PRKCQ: variants seen among roughly 807,000 people sequenced by gnomAD.
The protein encoded by PRKCQ is protein kinase C theta type.
In PRKCQ, 41 loss-of-function variants were observed where a neutral mutation model predicts 91.2. The observed-to-expected ratio is 0.45, with a 90% confidence interval of 0.35 to 0.58. The LOEUF (loss-of-function observed/expected upper bound fraction) is 0.58, where lower values mean the gene tolerates loss of function less well. Among genes scored for constraint, PRKCQ ranks in the 20% least tolerant of loss-of-function variants. The pLI is 0.00. For synonymous variants in PRKCQ, 307 were observed against 316.9 expected (o/e 0.97, Z 0.33); for missense variants, 673 against 896.5 (o/e 0.75, Z 3.18).
At chr10:6,395,695 G>T in the PRKCQ span, among the ~76,000 whole-genome samples, 1 of 152,174 alleles carries the variant, frequency 6.6e-6, no homozygotes, top group Non-Finnish European at 1.5e-5. Flanking sequence ...TATAAACTAA[G>T]TCCCTCCCAA....
chr10:6,479,899 C>A (rs561422491), intron 11 of PRKCQ, among the ~76,000 whole-genome samples: 1 of 151,346 alleles, frequency 6.6e-6, no homozygotes, highest in South Asian at 2.1e-4. Context: ...TTGTGGTGAA[C>A]TGAGATCATG....
chr10:6,503,370 G>T (rs1272674470), intron 4 of PRKCQ, among the ~76,000 whole-genome samples: 1 of 152,140 alleles, frequency 6.6e-6, no homozygotes, highest in Non-Finnish European at 1.5e-5. Context: ...AGCACAGGAA[G>T]GTGTGAAATA....
At chr10:6,537,645 T>A (rs969715344) in intron 1 of PRKCQ, among the ~76,000 whole-genome samples, 2 of 152,244 alleles carry the variant, frequency 1.3e-5, no homozygotes, top group African/African-American at 4.8e-5. Context: ...GAGTTGGTTA[T>A]GGTGAGATCT....
intron 4 of PRKCQ, among the ~76,000 whole-genome samples, chr10:6,498,862 G>C (rs1837760884): frequency 6.6e-6 from 1 of 152,174 alleles, no homozygotes; most frequent in African/African-American, 2.4e-5. Flanking sequence ...TTCAAAACCA[G>C]AGATTAGAAC....
chr10:6,487,139 C>A (rs1430589037), intron 8 of PRKCQ, among the ~76,000 whole-genome samples: 1 of 152,076 alleles, frequency 6.6e-6, no homozygotes, highest in African/African-American at 2.4e-5. Flanking sequence ...CTCCTGAAAA[C>A]CTCGTGTGAT....
rs1026330762 is a variant in PRKCQ at position 6,521,201 on chromosome 10, C to T, written c.-9-6057G>A. On this transcript the variant is annotated intron_variant, in intron 1 of 17. Transcript: ENST00000263125. ...CTTCATCATCTATGTGCCTCCAGAG[C>T]TGATCCCCCTGTCTGATATATGCTA... Among the ~76,000 whole-genome samples, 9 of 152,282 alleles carry T rather than the reference C, an allele frequency of 5.9e-5. 2 individuals are homozygous for T. Among genetic ancestry groups the T allele is most frequent in the Admixed American group, 6.5e-5 (1 of 15,298 alleles).
chr10:6,564,324 A>G (rs4748152), intron 1 of PRKCQ, among the ~76,000 whole-genome samples: 16,278 of 152,154 alleles, frequency 0.11, 949 homozygotes, highest in Middle Eastern at 0.2. Context: ...ATATTATGGT[A>G]TAAATGGCTG....
chr10:6,486,136 T>A lies in PRKCQ; in HGVS notation c.799A>T (p.Met267Leu). 1.2e-6 allele frequency: 2 copies of A among 1,613,982 alleles called. No homozygotes were observed. The highest frequency in any genetic ancestry group is 1.7e-6 in the Non-Finnish European group (2 of 1,179,882). ...GTCTGGCATCTATGATGCACATTCATGCCACATGCTGGAAGGAAGAAGGCA... is the reference window on the plus strand; with the variant it reads ...GTCTGGCATCTATGATGCACATTCAAGCCACATGCTGGAAGGAAGAAGGCA... ...RQGLKCDACG[M>L]NVHHRCQTKV... Residue 267 changes from methionine to leucine, a missense_variant, in exon 9 of 18, where the codon ATG becomes TTG. Transcript: ENST00000263125.
chr10:6,401,858 G>A, the PRKCQ span, among the ~76,000 whole-genome samples: 1 of 152,150 alleles, frequency 6.6e-6, no homozygotes, highest in East Asian at 1.9e-4. Context: ...TTGAATTAAG[G>A]GGAAGGCTGA....
At chr10:6,544,839 C>G (rs142281825) in intron 1 of PRKCQ, among the ~76,000 whole-genome samples, 1,588 of 152,222 alleles carry the variant, frequency 0.01, 26 homozygotes, top group African/African-American at 0.037. Context: ...CCAGGCTGCT[C>G]TCGAACTCCT....
At chr10:6,532,358 T>C (rs775215048) in intron 1 of PRKCQ, among the ~76,000 whole-genome samples, 8 of 152,362 alleles carry the variant, frequency 5.3e-5, no homozygotes, top group Non-Finnish European at 1.2e-4. Context: ...GGATACATAG[T>C]TGGCAAATGT....
At chr10:6,433,955 T>G (rs1588647560) in intron 16 of PRKCQ, among the ~76,000 whole-genome samples, 2 of 144,470 alleles carry the variant, frequency 1.4e-5, no homozygotes, top group African/African-American at 5.2e-5. Context: ...CATTTGAACC[T>G]GGGAGGTGGA....
In PRKCQ at chr10:6,533,400, T is replaced by C. The variant is rs183019085; in HGVS notation, c.-9-18256A>G. Reference sequence around the variant, plus strand: ...TTAGTGGAGACGGGGTTTCACCACGTTGGCCAGGCTAGTCTTGAACTCCTG... The same window carrying C: ...TTAGTGGAGACGGGGTTTCACCACGCTGGCCAGGCTAGTCTTGAACTCCTG... On this transcript the variant is annotated intron_variant, in intron 1 of 17. Coordinates refer to ENST00000263125, the MANE Select transcript of PRKCQ (RefSeq NM_006257.5). 3.3e-5 allele frequency among the ~76,000 whole-genome samples: 5 copies of C among 152,270 alleles called. No individual in the cohort carries two copies. In the East Asian group the frequency reaches 9.6e-4, roughly 29 times the overall value.
intron 3 of PRKCQ, among the ~76,000 whole-genome samples, chr10:6,510,564 T>A (rs1453474213): frequency 6.6e-6 from 1 of 152,202 alleles, no homozygotes; most frequent in Non-Finnish European, 1.5e-5. Flanking sequence ...AACAAGTAAT[T>A]TCTAAGTTAA....
chr10:6,514,407 C>T (rs1364798287), intron 2 of PRKCQ, among the ~76,000 whole-genome samples: 1 of 152,034 alleles, frequency 6.6e-6, no homozygotes, highest in African/African-American at 2.4e-5. Context: ...ACATTCTGAA[C>T]CCACAAACAG....
chr10:6,542,019 C>T (rs1345265403), intron 1 of PRKCQ, among the ~76,000 whole-genome samples: 2 of 152,228 alleles, frequency 1.3e-5, no homozygotes, highest in Non-Finnish European at 2.9e-5. Flanking sequence ...AGCAACCACA[C>T]CTTCTCAACA....
intron 3 of PRKCQ, 126 bp downstream of exon 3, chr10:6,510,869 G>A (rs1838435377): frequency 2.1e-6 from 2 of 968,154 alleles, no homozygotes; most frequent in Non-Finnish European, 3.2e-6. Context: ...CCAGTAGGAA[G>A]TGGTAGGGAG....
At chr10:6,414,816 C>T in the PRKCQ span, among the ~76,000 whole-genome samples, 1 of 151,244 alleles carries the variant, frequency 6.6e-6, no homozygotes, top group African/African-American at 2.4e-5. Context: ...AAAGAAAACC[C>T]CCATAACATC....
rs751053270 is a variant in PRKCQ at position 6,477,863 on chromosome 10, G to A, written c.1353+1129C>T. On this transcript the variant is annotated intron_variant, in intron 12 of 17. Transcript: ENST00000263125. ...AGCCTGGGCGACAGAGTGAGACTCC[G>A]TCTCAAAACAAACAAACAAAACAAA... Among the ~76,000 whole-genome samples, 147 of 152,240 alleles carry A rather than the reference G, an allele frequency of 9.7e-4. 2 individuals carry two copies. Among genetic ancestry groups the A allele is most frequent in the Non-Finnish European group, 3.2e-4 (22 of 68,008 alleles).
Sources: gnomAD v4.1 joint callset for allele counts (sites outside exome capture counted in the v4.1 genomes callset) on GRCh38, gnomAD v4.1.1 for gene constraint, MANE v1.5 for transcripts, NCBI Gene and HGNC (gene_info 2026-07-23, HGNC 2026-07-21) for gene names.